The following BSN variants were observed in gnomAD, a reference collection of about 807,000 sequenced individuals.
BSN encodes bassoon presynaptic cytomatrix protein.
Under a neutral mutation model 264.8 loss-of-function variants are expected in BSN, and 57 were observed. The observed-to-expected ratio is 0.22, with a 90% confidence interval of 0.17 to 0.27. BSN has a LOEUF of 0.27. Ranked by LOEUF, BSN falls within the 10% of genes least tolerant of loss-of-function variation. The pLI is 1.00. For missense variants in BSN, 4,615 were observed against 5,232.5 expected (o/e 0.88, Z 3.64); for synonymous variants, 2,059 against 2,137.3 (o/e 0.96, Z 1.01).
At chr3:49,632,127 A>G (rs1023228441) in intron 2 of BSN, among the ~76,000 whole-genome samples, 1 of 152,206 alleles carries the variant, frequency 6.6e-6, no homozygotes, top group African/African-American at 2.4e-5. Context: ...ATCTACATGC[A>G]AAAAAATGAA....
rs150722701 is a variant in BSN, at chr3:49,596,670, A to G, written c.225-28305A>G. Among the ~76,000 whole-genome samples the G allele has an allele frequency of 4.3e-3, 655 of 152,106 alleles. 7 individuals carry two copies. Among genetic ancestry groups the G allele is most frequent in the African/African-American group, 0.015 (624 of 41,488 alleles). On this transcript the variant is annotated intron_variant, in intron 1 of 11. Transcript: ENST00000296452. ...CATGCCTGGCTTTTTTGAAAATTCT[A>G]GAGAGGGTCTCACTATTTTGCCCAG...
At chr3:49,620,350 G>C (rs772716599) in intron 1 of BSN, among the ~76,000 whole-genome samples, 6 of 151,704 alleles carry the variant, frequency 4.0e-5, no homozygotes, top group African/African-American at 1.2e-4. Flanking sequence ...GCTTGAACCC[G>C]GGAGGCGGAG....
At position 49,661,935 on chromosome 3, in the gene BSN, G is replaced by C. The variant is rs1269928949; in HGVS notation, c.10090G>C (p.Gly3364Arg). 2 of 1,613,956 alleles carry C rather than the reference G, an allele frequency of 1.2e-6. No individual in the cohort carries two copies. Among genetic ancestry groups the C allele is most frequent in the East Asian group, 4.5e-5 (2 of 44,876 alleles). The change falls in exon 6 of 12, where the codon GGC (glycine) becomes CGC (arginine). Residue 3364 changes from glycine to arginine, a missense_variant. Coordinates refer to ENST00000296452, the MANE Select transcript of BSN (RefSeq NM_003458.4). ...SSKRSKHRKQ[G>R]MEQKISKFSP... is the part of the protein sequence containing the mutation. ...AAAGCGCAGCAAGCACCGGAAGCAG[G>C]GCATGGAGCAAAAGATATCCAAGTT...
chr3:49,569,934 A>T (rs1447102748), intron 1 of BSN, among the ~76,000 whole-genome samples: 1 of 152,174 alleles, frequency 6.6e-6, no homozygotes, highest in Non-Finnish European at 1.5e-5. Context: ...GGAAGAGGGC[A>T]GGAGGGAGGG....
At chr3:49,616,438 A>G (rs183302995) in intron 1 of BSN, among the ~76,000 whole-genome samples, 28 of 152,350 alleles carry the variant, frequency 1.8e-4, no homozygotes, top group Admixed American at 7.8e-4. Flanking sequence ...CCATGAATTC[A>G]TCAAAACCTC....
At chr3:49,643,555 A>G (rs1261087039) in intron 3 of BSN, among the ~76,000 whole-genome samples, 4 of 152,172 alleles carry the variant, frequency 2.6e-5, no homozygotes, top group Admixed American at 6.5e-5. Context: ...TCGAATGGCC[A>G]TGATGCAGAG....
chr3:49,605,898 G>GATACAAATATATTTATA (rs1169981252), intron 1 of BSN, among the ~76,000 whole-genome samples: 1 of 80,098 alleles, frequency 1.2e-5, no homozygotes, highest in Non-Finnish European at 2.1e-5. Flanking sequence ...ATATATTTAT[G>GATACAAATATATTTATA]TCTATATAAA....
At chr3:49,567,689 T>C (rs943309389) in intron 1 of BSN, among the ~76,000 whole-genome samples, 5 of 152,248 alleles carry the variant, frequency 3.3e-5, no homozygotes, top group Admixed American at 6.5e-5. Context: ...AGGAGTTGTA[T>C]TGCAGTTACT....
chr3:49,619,039 A>G (rs2052282860), intron 1 of BSN, among the ~76,000 whole-genome samples: 1 of 152,234 alleles, frequency 6.6e-6, no homozygotes. Context: ...ATTCCTTTAT[A>G]CCATCAATAC....
rs149416257 is a variant in BSN, at chr3:49,664,464, C to G, written c.11650C>G (p.Pro3884Ala). The change falls in exon 9 of 12, where the codon CCC becomes GCC. Residue 3884 changes from proline to alanine, a missense_variant. Pro to Ala is a conservative substitution (Grantham distance 27, BLOSUM62 -1). Transcript: ENST00000296452. ...CAGGCCTGGAGGAACCCCAGGGGCT[C>G]CCGCCGGCCAGCCAGGTGCCGATGG... ...GARPGGTPGA[P>A]AGQPGADGES... 6.2e-7 allele frequency: 1 copy of G among 1,613,642 alleles called. No individual in the cohort carries two copies. Among genetic ancestry groups the G allele is most frequent in the Non-Finnish European group, 8.5e-7 (1 of 1,179,970 alleles).
intron 1 of BSN, among the ~76,000 whole-genome samples, chr3:49,598,716 A>G (rs935487957): frequency 1.1e-4 from 17 of 152,212 alleles, no homozygotes; most frequent in Admixed American, 1.1e-3. Flanking sequence ...CGCCACCATT[A>G]CACTTAATGG....
chr3:49,584,588 G>A (rs938935091), intron 1 of BSN, among the ~76,000 whole-genome samples: 1 of 151,944 alleles, frequency 6.6e-6, no homozygotes, highest in Non-Finnish European at 1.5e-5. Context: ...ATGGAGAATG[G>A]GGTATCCATC....
intron 2 of BSN, among the ~76,000 whole-genome samples, chr3:49,628,517 A>G (rs1001272095): frequency 6.6e-6 from 1 of 152,212 alleles, no homozygotes; most frequent in African/African-American, 2.4e-5. Context: ...AGCGGACCCA[A>G]GTTTCCCCTA....
chr3:49,593,475 A>G (rs2051995971), intron 1 of BSN, among the ~76,000 whole-genome samples: 1 of 152,228 alleles, frequency 6.6e-6, no homozygotes, highest in Admixed American at 6.5e-5. Flanking sequence ...AGAAATTGCC[A>G]AGCTTTTCCA....
chr3:49,657,821 G>A lies in BSN; in HGVS notation c.8265G>A (p.Leu2755=). The change falls in exon 5 of 12, where the codon CTG becomes CTA. Residue 2755 remains leucine, a synonymous_variant. Transcript: ENST00000296452. ...PGIQIVTPGP[L]GRFEKKKPDP... is the part of the protein sequence containing the mutation. ...TCCAGATCGTCACCCCAGGGCCTCT[G>A]GGCAGATTTGAAAAAAAGAAGCCAG... 1 of 1,603,382 alleles carries A rather than the reference G, an allele frequency of 6.2e-7. No homozygotes were observed. Among genetic ancestry groups the A allele is most frequent in the Non-Finnish European group, 8.5e-7 (1 of 1,175,350 alleles).
intron 1 of BSN, among the ~76,000 whole-genome samples, chr3:49,567,672 C>T (rs1341875783): frequency 1.3e-5 from 2 of 152,180 alleles, no homozygotes; most frequent in African/African-American, 4.8e-5. Flanking sequence ...TGGTTAAGCC[C>T]AAGTCAAGGA....
At chr3:49,578,620 G>GA (rs71080535) in intron 1 of BSN, among the ~76,000 whole-genome samples, 126,055 of 151,634 alleles carry the variant, frequency 0.83, 52,721 homozygotes, top group East Asian at 0.99. Context: ...TGTTAGCCAT[G>GA]TGGTCTCAAT....
chr3:49,662,294 C>T lies in BSN; in HGVS notation c.10449C>T (p.Pro3483=). ...VERLQKAGPK[P]SSLSMAHSRV... is the part of the protein sequence containing the mutation. ...GACTTCAAAAAGCGGGCCCCAAGCCCTCATCCCTAAGTATGGCCCACAGCC... is the reference window on the plus strand; with the variant it reads ...GACTTCAAAAAGCGGGCCCCAAGCCTTCATCCCTAAGTATGGCCCACAGCC... Residue 3483 remains proline (P), a synonymous_variant, in exon 6 of 12, where the codon CCC becomes CCT. Coordinates refer to ENST00000296452, the MANE Select transcript of BSN (RefSeq NM_003458.4). 1 of 1,613,924 alleles carries T rather than the reference C, an allele frequency of 6.2e-7. No homozygotes were observed. Among genetic ancestry groups the T allele is most frequent in the Non-Finnish European group, 8.5e-7 (1 of 1,179,930 alleles).
chr3:49,605,898 G>GATATAAATATATTTATT (rs1169981252), intron 1 of BSN, among the ~76,000 whole-genome samples: 1 of 80,098 alleles, frequency 1.2e-5, no homozygotes, highest in Non-Finnish European at 2.1e-5. Context: ...ATATATTTAT[G>GATATAAATATATTTATT]TCTATATAAA....
Sources: allele counts gnomAD v4.1 joint callset (sites outside exome capture counted in the v4.1 genomes callset), GRCh38; gene constraint gnomAD v4.1.1; transcripts MANE v1.5; gene names NCBI Gene and HGNC (gene_info 2026-07-23, HGNC 2026-07-21).